Variants in FGF13 observed in about 807,000 individuals in gnomAD.
FGF13 encodes fibroblast growth factor 13.
FGF13 carries 2 observed loss-of-function variants against 19.5 expected under a neutral mutation model. That is an observed-to-expected ratio of 0.10 (90% CI 0.04 to 0.32). The LOEUF (loss-of-function observed/expected upper bound fraction) is 0.32. Among genes scored for constraint, FGF13 ranks in the 10% least tolerant of loss-of-function variants. The pLI, the probability that FGF13 is intolerant of heterozygous loss-of-function variation, is 1.00. For missense variants in FGF13, 113 were observed against 192.7 expected (o/e 0.59, Z 2.45); for synonymous variants, 72 against 76.9 (o/e 0.94, Z 0.33).
At chrX:139,091,608 A>G (rs1320834483) in intron 1 of FGF13, among the ~76,000 whole-genome samples, 1 of 111,859 alleles carries the variant, frequency 8.9e-6, no homozygotes, top group Non-Finnish European at 1.9e-5. Context: ...GTTCAATCAC[A>G]CAGACAATGT....
At chrX:139,119,220 C>T (rs894735811) in intron 1 of FGF13, among the ~76,000 whole-genome samples, 1 of 111,306 alleles carries the variant, frequency 9.0e-6, no homozygotes, top group African/African-American at 3.3e-5. Flanking sequence ...TAAACCTCTC[C>T]TCCCAAGTCC....
intron 1 of FGF13, among the ~76,000 whole-genome samples, chrX:139,036,568 C>G (rs1480324184): frequency 9.0e-6 from 1 of 111,194 alleles, no homozygotes; most frequent in African/African-American, 3.3e-5. Flanking sequence ...CCTCAAAAGC[C>G]CTAGGTTTCT....
chrX:138,971,899 T>C (rs1013566515), intron 1 of FGF13, among the ~76,000 whole-genome samples: 8 of 111,892 alleles, frequency 7.1e-5, no homozygotes, highest in Non-Finnish European at 1.5e-4. Context: ...TACTCTCTAC[T>C]TCTATGAGAT....
At chrX:139,070,520 A>G (rs1218902137) in intron 1 of FGF13, among the ~76,000 whole-genome samples, 1 of 112,349 alleles carries the variant, frequency 8.9e-6, no homozygotes, top group Non-Finnish European at 1.9e-5. Context: ...ATGCTTTTAC[A>G]CTGTTGGTGG....
chrX:138,624,412 C>T lies in FGF13; in HGVS notation c.*8438G>A, dbSNP rs893337345. ...TTGGACCTTTATCCTATACCATACA[C>T]AAAAATCAACTCAAAATCGATTAAA... On this transcript the variant is annotated 3_prime_UTR_variant, in exon 5 of 5. Transcript: ENST00000315930. The T allele has an allele frequency of 9.0e-6, 1 of 111,675 alleles. No individual in the cohort carries two copies. Among genetic ancestry groups the T allele is most frequent in the African/African-American group, 3.3e-5 (1 of 30,696 alleles). The allele number at this position is 111,675 out of a possible 1,213,427, so 9.2% of individuals were successfully genotyped here.
chrX:138,879,866 A>T (rs1317356189), intron 1 of FGF13, among the ~76,000 whole-genome samples: 2 of 112,374 alleles, frequency 1.8e-5, no homozygotes, highest in Non-Finnish European at 3.8e-5. Context: ...TGCACAGCAA[A>T]ATAAACTATC....
At chrX:138,813,967 G>C (rs2090943850) in intron 3 of FGF13, among the ~76,000 whole-genome samples, 1 of 110,437 alleles carries the variant, frequency 9.1e-6, no homozygotes, top group Non-Finnish European at 1.9e-5. Context: ...GTTCTTCTCT[G>C]CTTGTTACAT....
chrX:139,074,733 G>A (rs1042617818), intron 1 of FGF13, among the ~76,000 whole-genome samples: 1 of 111,975 alleles, frequency 8.9e-6, no homozygotes, highest in South Asian at 3.7e-4. Flanking sequence ...GGAAGTCTCC[G>A]CCCCCTTCTC....
At chrX:138,679,275 C>T (rs1461647520) in intron 3 of FGF13, among the ~76,000 whole-genome samples, 2 of 109,860 alleles carry the variant, frequency 1.8e-5, no homozygotes, top group African/African-American at 6.6e-5. Context: ...GACAGGGTCT[C>T]GCTATGTTGC....
chrX:139,054,186 G>C (rs1217715547), intron 1 of FGF13, among the ~76,000 whole-genome samples: 3 of 90,117 alleles, frequency 3.3e-5, no homozygotes, highest in African/African-American at 1.3e-4. Flanking sequence ...GCAGTGGCGC[G>C]ATCTCGGCTC....
chrX:138,922,478 G>T (rs1013438666), intron 1 of FGF13, among the ~76,000 whole-genome samples: 1 of 111,257 alleles, frequency 9.0e-6, no homozygotes, highest in Non-Finnish European at 1.9e-5. Context: ...CATTTCCATA[G>T]CTTTAGTCAT....
intron 3 of FGF13, among the ~76,000 whole-genome samples, chrX:138,817,069 A>G (rs2090966798): frequency 8.9e-6 from 1 of 112,581 alleles, no homozygotes; most frequent in Admixed American, 9.4e-5. Context: ...TTGGAAGAAT[A>G]CAGTCAATCA....
Position 138,621,193 on chromosome X carries a change from G to A in FGF13, c.*11657C>T, listed in dbSNP as rs763487755. On this transcript the variant is annotated 3_prime_UTR_variant, in exon 5 of 5. Coordinates refer to ENST00000315930, the MANE Select transcript of FGF13 (RefSeq NM_004114.5). Reference sequence around the variant, plus strand: ...ATGTACATTCGTCCCAAGTAATTGCGCAGGTACATTTTGAAGATACATCAA... The same window carrying A: ...ATGTACATTCGTCCCAAGTAATTGCACAGGTACATTTTGAAGATACATCAA... The A allele has an allele frequency of 5.4e-5, 6 of 111,439 alleles. No homozygotes were observed. The highest frequency in any genetic ancestry group is 1.1e-4 in the Non-Finnish European group (6 of 53,036). The allele number at this position is 111,439 out of a possible 1,213,427, so 9.2% of individuals were successfully genotyped here.
chrX:138,696,826 C>T (rs1464762355), intron 3 of FGF13, among the ~76,000 whole-genome samples: 1 of 111,981 alleles, frequency 8.9e-6, no homozygotes, highest in Non-Finnish European at 1.9e-5. Context: ...TCGGGCTTTT[C>T]CCTATTCATC....
intron 1 of FGF13, among the ~76,000 whole-genome samples, chrX:139,074,863 T>C (rs1267221778): frequency 8.9e-6 from 1 of 112,165 alleles, no homozygotes; most frequent in East Asian, 2.8e-4. Flanking sequence ...TTAAGCCTGC[T>C]CTTCCTTCCT....
chrX:138,962,746 C>T (rs1253708470), intron 1 of FGF13, among the ~76,000 whole-genome samples: 2 of 111,601 alleles, frequency 1.8e-5, no homozygotes, highest in Non-Finnish European at 3.8e-5. Context: ...ATCTCAAGGA[C>T]AGAAAACCAA....
At chrX:138,949,856 G>A (rs500851) in intron 1 of FGF13, among the ~76,000 whole-genome samples, 12,559 of 111,482 alleles carry the variant, frequency 0.11, 842 homozygotes, top group African/African-American at 0.25. Flanking sequence ...TTTGCATTGG[G>A]AGAACACCAG....
chrX:139,158,608 T>C (rs966608040), intron 1 of FGF13, among the ~76,000 whole-genome samples: 5 of 111,157 alleles, frequency 4.5e-5, no homozygotes, highest in African/African-American at 1.6e-4. Context: ...CTAACTAGAA[T>C]AACCAGTTTA....
At chrX:139,083,535 A>T (rs1055773018) in intron 1 of FGF13, among the ~76,000 whole-genome samples, 2 of 112,254 alleles carry the variant, frequency 1.8e-5, no homozygotes, top group African/African-American at 6.5e-5. Flanking sequence ...TGAGTCTGAG[A>T]TTATGCCAGA....
Sources: gnomAD v4.1 joint callset for allele counts (sites outside exome capture counted in the v4.1 genomes callset) on GRCh38, gnomAD v4.1.1 for gene constraint, MANE v1.5 for transcripts, NCBI Gene and HGNC (gene_info 2026-07-23, HGNC 2026-07-21) for gene names.